The following CAMTA1 variants were observed in gnomAD, a reference collection of about 807,000 sequenced individuals.
CAMTA1 encodes the protein calmodulin binding transcription activator 1.
A neutral mutation model predicts 170.9 loss-of-function variants in CAMTA1; 27 were observed. The ratio of observed to expected loss-of-function variants is 0.16; its 90% CI spans 0.12 to 0.22. The LOEUF (loss-of-function observed/expected upper bound fraction) is 0.22. CAMTA1 is among the 10% of genes least tolerant of loss of function. The probability of loss-of-function intolerance (pLI) is 1.00; values close to 1 mark genes in which losing one functional copy is unlikely to be tolerated. For synonymous variants in CAMTA1, 833 were observed against 891.5 expected, an observed-to-expected ratio of 0.93 and a Z score of 1.17; for missense variants, 1,619 against 2,217.2, an observed-to-expected ratio of 0.73 and a Z score of 5.42.
intron 1 of CAMTA1, chr1:6,806,949 A>G (rs1008941876): frequency 8.2e-6 from 4 of 489,396 alleles, no homozygotes; most frequent in African/African-American, 5.8e-5. Context: ...CACTTCATTT[A>G]CTCAACAAAT....
intron 3 of CAMTA1, among the ~76,000 whole-genome samples, chr1:6,901,933 T>C (rs1244091953): frequency 6.6e-6 from 1 of 151,708 alleles, no homozygotes; most frequent in Non-Finnish European, 1.5e-5. Flanking sequence ...GTATTCCAGC[T>C]ACTTGGGAGG....
intron 3 of CAMTA1, among the ~76,000 whole-genome samples, chr1:6,868,024 C>G (rs1178568702): frequency 6.6e-6 from 1 of 152,120 alleles, no homozygotes; most frequent in Non-Finnish European, 1.5e-5. Context: ...CGGCTAGTCT[C>G]AAACTTCTGG....
chr1:7,298,435 T>TC (rs1451895736), intron 5 of CAMTA1, among the ~76,000 whole-genome samples: 1 of 152,204 alleles, frequency 6.6e-6, no homozygotes, highest in African/African-American at 2.4e-5. Flanking sequence ...AGTATCTTTT[T>TC]CTTGGCCATG....
intron 3 of CAMTA1, among the ~76,000 whole-genome samples, chr1:7,029,042 C>T (rs1367653591): frequency 6.6e-6 from 1 of 152,156 alleles, no homozygotes; most frequent in Non-Finnish European, 1.5e-5. Context: ...ACTAACTTAA[C>T]CCCTATGAGC....
chr1:7,434,890 A>AG (rs973580165), intron 5 of CAMTA1, among the ~76,000 whole-genome samples: 2 of 151,902 alleles, frequency 1.3e-5, no homozygotes, highest in African/African-American at 4.8e-5. Context: ...AAAAAAAAAA[A>AG]AAAATACAGA....
intron 4 of CAMTA1, among the ~76,000 whole-genome samples, chr1:7,198,567 G>A (rs1245685897): frequency 6.6e-6 from 1 of 152,064 alleles, no homozygotes; most frequent in Non-Finnish European, 1.5e-5. Context: ...ACCTCTCTGG[G>A]TCTCATTTCC....
chr1:7,640,598 G>A (rs751476031), intron 7 of CAMTA1, 45 bp downstream of exon 7: 2 of 1,612,350 alleles, frequency 1.2e-6, no homozygotes, highest in African/African-American at 2.7e-5. Flanking sequence ...TGGGAACCAG[G>A]CTGGCATCAA....
At chr1:7,121,027 C>T (rs1047078256) in intron 4 of CAMTA1, among the ~76,000 whole-genome samples, 4 of 152,200 alleles carry the variant, frequency 2.6e-5, no homozygotes, top group African/African-American at 9.7e-5. Flanking sequence ...AGCAATTCTG[C>T]CAGTGGTATC....
chr1:7,625,822 C>T (rs778679581), intron 6 of CAMTA1, among the ~76,000 whole-genome samples: 1 of 152,220 alleles, frequency 6.6e-6, no homozygotes, highest in Non-Finnish European at 1.5e-5. Context: ...GCCTGGCCTG[C>T]TGCAGCAGCT....
At chr1:7,027,683 C>G (rs984138354) in intron 3 of CAMTA1, among the ~76,000 whole-genome samples, 1 of 152,100 alleles carries the variant, frequency 6.6e-6, no homozygotes, top group Non-Finnish European at 1.5e-5. Context: ...TGGCACGACC[C>G]CTCATGCAAA....
At chr1:7,367,859 G>A (rs904790270) in intron 5 of CAMTA1, among the ~76,000 whole-genome samples, 1 of 151,932 alleles carries the variant, frequency 6.6e-6, no homozygotes, top group African/African-American at 2.4e-5. Flanking sequence ...GGGCACTCAT[G>A]GTTTCGTTGG....
At chr1:6,882,581 TG>T (rs903962041) in intron 3 of CAMTA1, among the ~76,000 whole-genome samples, 28 of 152,020 alleles carry the variant, frequency 1.8e-4, no homozygotes, top group African/African-American at 6.3e-4. Context: ...AACAGCAGGT[TG>T]GGGAGGAGGG....
At chr1:7,155,710 C>T (rs1160516201) in intron 4 of CAMTA1, among the ~76,000 whole-genome samples, 4 of 152,158 alleles carry the variant, frequency 2.6e-5, no homozygotes, top group Non-Finnish European at 4.4e-5. Flanking sequence ...GGATTACTGG[C>T]GTGAGCCACT....
chr1:7,718,173 GCGCAGTCTTAGC>G (rs2096624892), intron 11 of CAMTA1, among the ~76,000 whole-genome samples: 1 of 152,188 alleles, frequency 6.6e-6, no homozygotes, highest in Admixed American at 6.5e-5. Context: ...TAGAGCCTTG[GCGCAGTCTTAGC>G]CAGCAGTGGG....
chr1:7,240,055 T>A (rs111337416), intron 4 of CAMTA1, among the ~76,000 whole-genome samples: 1,819 of 152,276 alleles, frequency 0.012, 14 homozygotes, highest in Non-Finnish European at 0.017. Flanking sequence ...ACACATGACC[T>A]TTAGGGGGAC....
intron 3 of CAMTA1, among the ~76,000 whole-genome samples, chr1:6,832,094 T>A (rs947615543): frequency 1.1e-4 from 16 of 152,130 alleles, no homozygotes; most frequent in South Asian, 2.1e-4. Flanking sequence ...TTTTTATTTT[T>A]TTTTTTTGAG....
chr1:7,253,501 C>T (rs1010489986), intron 5 of CAMTA1, among the ~76,000 whole-genome samples: 5 of 152,224 alleles, frequency 3.3e-5, no homozygotes, highest in African/African-American at 7.2e-5. Flanking sequence ...AGTTTCTTTG[C>T]TGCTGGGTTC....
At chr1:6,800,427 A>C (rs1643604191) in intron 1 of CAMTA1, among the ~76,000 whole-genome samples, 1 of 152,128 alleles carries the variant, frequency 6.6e-6, no homozygotes, top group Non-Finnish European at 1.5e-5. Flanking sequence ...AAATGTAAAA[A>C]AATTTAAATT....
Position 7,154,262 on chromosome 1 carries a change from C to T in CAMTA1, c.302+62891C>T, listed in dbSNP as rs373613441. Among the ~76,000 whole-genome samples, 30 of 152,100 alleles carry T rather than the reference C, an allele frequency of 2.0e-4. 1 individual carries two copies. Among genetic ancestry groups the T allele is most frequent in the Non-Finnish European group, 2.9e-4 (20 of 68,024 alleles). On this transcript the variant is annotated intron_variant, in intron 4 of 22. Coordinates refer to ENST00000303635, the MANE Select transcript of CAMTA1 (RefSeq NM_015215.4). Reference sequence around the variant, plus strand: ...ATTGACCCTGGAGGTAACCCCCACCCGAGACTCCCGTCTGTAGGTGTTGAG... The same window carrying T: ...ATTGACCCTGGAGGTAACCCCCACCTGAGACTCCCGTCTGTAGGTGTTGAG...
Sources: gnomAD v4.1 joint callset for allele counts (sites outside exome capture counted in the v4.1 genomes callset) on GRCh38, gnomAD v4.1.1 for gene constraint, MANE v1.5 for transcripts, NCBI Gene and HGNC (gene_info 2026-07-23, HGNC 2026-07-21) for gene names.